EXOC6: variants seen among roughly 807,000 people sequenced by gnomAD.
The protein encoded by EXOC6 is SEC15-like 1.
EXOC6 carries 60 observed loss-of-function variants against 112.5 expected under a neutral mutation model. The observed-to-expected ratio is 0.53, with a 90% confidence interval of 0.43 to 0.66. The LOEUF is 0.66. Ranked by LOEUF, EXOC6 falls within the 30% of genes least tolerant of loss-of-function variation. The probability of loss-of-function intolerance (pLI) is 0.00; values close to 1 mark genes in which losing one functional copy is unlikely to be tolerated. For synonymous variants in EXOC6, 295 were observed against 308.0 expected, an observed-to-expected ratio of 0.96 and a Z score of 0.44; for missense variants, 855 against 957.1, an observed-to-expected ratio of 0.89 and a Z score of 1.41.
chr10:92,917,360 T>TA (rs1486977843), intron 7 of EXOC6, among the ~76,000 whole-genome samples: 1 of 152,064 alleles, frequency 6.6e-6, no homozygotes, highest in African/African-American at 2.4e-5. Context: ...CTGGATAGTC[T>TA]ACCTATTTAA....
At chr10:92,854,007 C>CAAAAA (rs34153493) in intron 1 of EXOC6, among the ~76,000 whole-genome samples, 6 of 120,084 alleles carry the variant, frequency 5.0e-5, no homozygotes, top group African/African-American at 1.9e-4. Context: ...GTCCCTGTCT[C>CAAAAA]AAAAAAAAAA....
intron 1 of EXOC6, among the ~76,000 whole-genome samples, chr10:92,850,812 T>C (rs1394394989): frequency 6.6e-6 from 1 of 152,242 alleles, no homozygotes; most frequent in Non-Finnish European, 1.5e-5. Context: ...TGTAGACTTA[T>C]CATTTTATTT....
chr10:92,966,096 A>G (rs1230495352), intron 17 of EXOC6, among the ~76,000 whole-genome samples: 1 of 152,120 alleles, frequency 6.6e-6, no homozygotes, highest in African/African-American at 2.4e-5. Flanking sequence ...TTTATGGGAA[A>G]AGTGGAACCT....
intron 17 of EXOC6, among the ~76,000 whole-genome samples, chr10:92,958,482 C>T (rs1853812718): frequency 6.6e-6 from 1 of 152,092 alleles, no homozygotes; most frequent in African/African-American, 2.4e-5. Flanking sequence ...TTCTAACTTG[C>T]CTTTTTTTTG....
intron 19 of EXOC6, among the ~76,000 whole-genome samples, chr10:93,001,458 A>G (rs1013987239): frequency 3.3e-5 from 5 of 152,128 alleles, no homozygotes; most frequent in African/African-American, 9.7e-5. Context: ...TTCTCTCTAA[A>G]TTTCTCTTAA....
chr10:93,013,572 C>T (rs1760514684), intron 19 of EXOC6, among the ~76,000 whole-genome samples: 1 of 152,116 alleles, frequency 6.6e-6, no homozygotes, highest in Non-Finnish European at 1.5e-5. Flanking sequence ...GGCGCCACTG[C>T]ACTCCAGCCT....
At position 93,008,995 on chromosome 10, in the gene EXOC6, C is replaced by T. The variant is rs11187239; in HGVS notation, c.2096-5199C>T. ...AGCACTTCGAGAGGCCAGGGCAGGA[C>T]GACTGCTTGAGGCCAGGAGTTTGAG... On this transcript the variant is annotated intron_variant, in intron 19 of 21. Coordinates refer to ENST00000260762, the MANE Select transcript of EXOC6 (RefSeq NM_019053.6). 2.2e-3 allele frequency among the ~76,000 whole-genome samples: 340 copies of T among 152,192 alleles called. 3 individuals are homozygous for T. The highest frequency in any genetic ancestry group is 7.9e-3 in the African/African-American group (327 of 41,528).
intron 11 of EXOC6, among the ~76,000 whole-genome samples, 191 bp from the exon 12 acceptor site, chr10:92,935,623 G>T (rs1447333969): frequency 1.3e-5 from 2 of 152,008 alleles, no homozygotes; most frequent in East Asian, 3.9e-4. Flanking sequence ...ATCATATTAT[G>T]ATCTCCCTCT....
chr10:92,971,798 C>T (rs1315036003), intron 17 of EXOC6, among the ~76,000 whole-genome samples: 1 of 152,116 alleles, frequency 6.6e-6, no homozygotes, highest in Non-Finnish European at 1.5e-5. Context: ...ATCTGAGCTG[C>T]CTCACAGTTT....
chr10:92,986,125 T>C (rs938597844), intron 18 of EXOC6, among the ~76,000 whole-genome samples: 4 of 152,180 alleles, frequency 2.6e-5, no homozygotes, highest in African/African-American at 7.2e-5. Flanking sequence ...ACTTTCATTA[T>C]CACATCCTGT....
intron 14 of EXOC6, among the ~76,000 whole-genome samples, chr10:92,951,659 TTTACC>T (rs1485661724): frequency 1.3e-5 from 2 of 151,582 alleles, no homozygotes; most frequent in Non-Finnish European, 2.9e-5. Context: ...TTGGAAGGAG[TTTACC>T]TTTTAGAGAC....
chr10:93,009,208 G>A (rs1590031346), intron 19 of EXOC6, among the ~76,000 whole-genome samples: 1 of 151,852 alleles, frequency 6.6e-6, no homozygotes, highest in Non-Finnish European at 1.5e-5. Context: ...AGACCCTGTC[G>A]CAAAAAAAAT....
At chr10:92,903,723 C>G (rs1196200447) in intron 5 of EXOC6, among the ~76,000 whole-genome samples, 1 of 151,930 alleles carries the variant, frequency 6.6e-6, no homozygotes, top group African/African-American at 2.4e-5. Flanking sequence ...TTTTCCTCTT[C>G]TTTCTAAGCA....
upstream of EXOC6, among the ~76,000 whole-genome samples, chr10:92,844,309 C>T (rs1453615788): frequency 6.6e-6 from 1 of 152,178 alleles, no homozygotes; most frequent in African/African-American, 2.4e-5. Context: ...CGTCCCTGTG[C>T]CTGATGTAGG....
chr10:92,961,704 T>TG (rs1350251780), intron 17 of EXOC6, among the ~76,000 whole-genome samples: 1 of 150,958 alleles, frequency 6.6e-6, no homozygotes, highest in African/African-American at 2.4e-5. Flanking sequence ...GCTTTCTGTT[T>TG]TTTTTTTTTT....
At chr10:92,960,293 A>C (rs1169144840) in intron 17 of EXOC6, among the ~76,000 whole-genome samples, 3 of 152,218 alleles carry the variant, frequency 2.0e-5, no homozygotes, top group Non-Finnish European at 4.4e-5. Context: ...ACTATGTGAC[A>C]TTCTGGAAAA....
chr10:92,895,859 CT>C (rs34229333), intron 4 of EXOC6, among the ~76,000 whole-genome samples: 3,941 of 122,182 alleles, frequency 0.032, 163 homozygotes, highest in African/African-American at 0.098. Flanking sequence ...CACACCCGGC[CT>C]TTTTTTTTTT....
intron 1 of EXOC6, among the ~76,000 whole-genome samples, chr10:92,868,949 G>C (rs556711117): frequency 6.6e-6 from 1 of 151,476 alleles, no homozygotes; most frequent in African/African-American, 2.4e-5. Flanking sequence ...CGAGTACCTG[G>C]GACTAAAACC....
intron 1 of EXOC6, among the ~76,000 whole-genome samples, chr10:92,837,096 T>TC (rs1381275872): frequency 1.7e-4 from 7 of 40,382 alleles, no homozygotes; most frequent in Admixed American, 8.9e-4. Flanking sequence ...GGTTATAACA[T>TC]AACACACACA....
Sources: allele counts gnomAD v4.1 joint callset (sites outside exome capture counted in the v4.1 genomes callset), GRCh38; gene constraint gnomAD v4.1.1; transcripts MANE v1.5; gene names NCBI Gene and HGNC (gene_info 2026-07-23, HGNC 2026-07-21).